The following GKAP1 variants were observed in gnomAD, a reference collection of about 807,000 sequenced individuals.
GKAP1 encodes the protein G kinase anchoring protein 1, also known as G kinase-anchoring protein 1.
GKAP1 carries 31 observed loss-of-function variants against 56.7 expected under a neutral mutation model. The ratio of observed to expected loss-of-function variants is 0.55; its 90% CI spans 0.41 to 0.74. GKAP1 has a LOEUF of 0.74. Ranked by LOEUF, GKAP1 falls within the 30% of genes least tolerant of loss-of-function variation. The probability of loss-of-function intolerance (pLI) is 0.00; values close to 1 mark genes in which losing one functional copy is unlikely to be tolerated. For synonymous variants in GKAP1, 151 were observed against 138.6 expected, an observed-to-expected ratio of 1.09 and a Z score of -0.63; for missense variants, 364 against 402.3, an observed-to-expected ratio of 0.90 and a Z score of 0.82.
intron 7 of GKAP1, among the ~76,000 whole-genome samples, chr9:83,776,242 AC>A (rs1943859933): frequency 6.6e-6 from 1 of 152,224 alleles, no homozygotes; most frequent in Non-Finnish European, 1.5e-5. Context: ...ACACATACAA[AC>A]AAGGAAAGGC....
chr9:83,782,453 G>T (rs1943990495), intron 6 of GKAP1, among the ~76,000 whole-genome samples: 2 of 151,452 alleles, frequency 1.3e-5, no homozygotes, highest in African/African-American at 4.9e-5. Context: ...CCACCTTTTG[G>T]GTTCAAGCAA....
rs1437076806 is a variant in GKAP1, at chr9:83,745,452, A to T, written c.905-2852T>A. On this transcript the variant is annotated intron_variant, in intron 10 of 12. Transcript: ENST00000376371. ...AAGTATTTTCATGTAATGATCCTAT[A>T]TAAAATTCTACTTGGATTACTTATG... is the stretch of plus-strand genomic sequence containing the variant. Among the ~76,000 whole-genome samples, 3 of 152,226 alleles carry T rather than the reference A, an allele frequency of 2.0e-5. No individual in the cohort carries two copies. The South Asian group carries it at 6.2e-4, about 31-fold the overall frequency.
chr9:83,779,426 C>CATATATATATATAT (rs141709042), intron 7 of GKAP1, among the ~76,000 whole-genome samples: 1 of 92,976 alleles, frequency 1.1e-5, no homozygotes, highest in East Asian at 3.6e-4. Flanking sequence ...GGTCAGAAGC[C>CATATATATATATAT]ATATATATAT....
chr9:83,785,935 C>CA (rs1944056574), intron 5 of GKAP1, among the ~76,000 whole-genome samples: 1 of 152,180 alleles, frequency 6.6e-6, no homozygotes, highest in African/African-American at 2.4e-5. Flanking sequence ...CCTTAAATGA[C>CA]AGTTTTTCAA....
At chr9:83,774,876 G>T (rs56299907) in intron 7 of GKAP1, among the ~76,000 whole-genome samples, 86,085 of 150,632 alleles carry the variant, frequency 0.57, 25,215 homozygotes, top group Admixed American at 0.7. Flanking sequence ...ACCCAGATAA[G>T]TTTTGTATTT....
chr9:83,752,317 G>A (rs1003494700), intron 9 of GKAP1, among the ~76,000 whole-genome samples: 10 of 152,202 alleles, frequency 6.6e-5, no homozygotes, highest in Non-Finnish European at 1.3e-4. Flanking sequence ...TTGGGAGGCT[G>A]AGGCAGGAGA....
chr9:83,804,011 G>A (rs565564883), intron 3 of GKAP1, among the ~76,000 whole-genome samples: 122 of 149,796 alleles, frequency 8.1e-4, no homozygotes, highest in African/African-American at 2.7e-3. Context: ...GAGACCCTCC[G>A]CCCAGCATCC....
chr9:83,811,515 C>A (rs1249140246), intron 2 of GKAP1, among the ~76,000 whole-genome samples: 1 of 152,100 alleles, frequency 6.6e-6, no homozygotes. Flanking sequence ...AGTATTATGA[C>A]AAATACTGTT....
At chr9:83,776,086 T>C (rs928945901) in intron 7 of GKAP1, among the ~76,000 whole-genome samples, 3 of 152,106 alleles carry the variant, frequency 2.0e-5, no homozygotes, top group African/African-American at 7.2e-5. Context: ...GCTGTCTAAA[T>C]GCCTGGATCC....
chr9:83,768,650 T>C (rs1338517515), intron 8 of GKAP1, among the ~76,000 whole-genome samples, 168 bp downstream of exon 8: 2 of 152,240 alleles, frequency 1.3e-5, no homozygotes, highest in East Asian at 1.9e-4. Flanking sequence ...AGTATGAGTA[T>C]ACTTCATACT....
intron 6 of GKAP1, among the ~76,000 whole-genome samples, chr9:83,782,122 G>A (rs1306423892): frequency 5.9e-5 from 9 of 151,684 alleles, no homozygotes; most frequent in Non-Finnish European, 1.3e-4. Flanking sequence ...GATTACAGGC[G>A]TGAGCCACTG....
At position 83,739,748 on chromosome 9, in the gene GKAP1, TAAAAAA is replaced by T; in HGVS notation, c.1054-10_1054-5del. ...TTCTTTTCCCTTTTCTGCCACCCTGTAAAAAAAAAAAAAAATAGGGAAAATTATTTA... is the reference window on the plus strand; with the variant it reads ...TTCTTTTCCCTTTTCTGCCACCCTGTAAAAAAAAATAGGGAAAATTATTTA... On this transcript the variant is annotated splice_polypyrimidine_tract_variant and splice_region_variant and intron_variant, in intron 12 of 12. Coordinates refer to ENST00000376371, the MANE Select transcript of GKAP1 (RefSeq NM_025211.4). 6.8e-7 allele frequency: 1 copy of T among 1,466,930 alleles called. No homozygotes were observed. The highest frequency in any genetic ancestry group is 9.3e-7 in the Non-Finnish European group (1 of 1,077,242). 90.9% of individuals were successfully genotyped at this position (1,466,930 alleles called of 1,614,324 possible). A position where few individuals can be genotyped will look rare whatever the true frequency, so the allele number is the denominator to read the frequency against.
At chr9:83,758,654 C>T (rs1469925199) in intron 8 of GKAP1, among the ~76,000 whole-genome samples, 1 of 151,380 alleles carries the variant, frequency 6.6e-6, no homozygotes, top group Admixed American at 6.6e-5. Context: ...GAGGCTGAGG[C>T]AGGAGCATTG....
At chr9:83,801,402 T>C (rs1272448439) in intron 3 of GKAP1, among the ~76,000 whole-genome samples, 1 of 152,178 alleles carries the variant, frequency 6.6e-6, no homozygotes, top group Admixed American at 6.5e-5. Flanking sequence ...TTGTGTTTTT[T>C]TTTTTTTTAA....
intron 10 of GKAP1, among the ~76,000 whole-genome samples, chr9:83,743,852 G>A (rs976448307): frequency 6.6e-6 from 1 of 152,070 alleles, no homozygotes; most frequent in African/African-American, 2.4e-5. Context: ...TGTTTCCTAA[G>A]CTTCAGAAAT....
chr9:83,791,628 G>A (rs1944162012), intron 4 of GKAP1, among the ~76,000 whole-genome samples: 1 of 152,146 alleles, frequency 6.6e-6, no homozygotes. Flanking sequence ...AGCCATTAAG[G>A]ATTCATTTAG....
intron 8 of GKAP1, among the ~76,000 whole-genome samples, chr9:83,767,416 G>A (rs1943682239): frequency 6.6e-6 from 1 of 151,636 alleles, no homozygotes. Flanking sequence ...CTAGAGTGCA[G>A]TGGTGTGATC....
intron 3 of GKAP1, among the ~76,000 whole-genome samples, chr9:83,804,417 C>G (rs1320932303): frequency 3.7e-5 from 5 of 135,644 alleles, no homozygotes; most frequent in Admixed American, 7.1e-5. Context: ...GCCCCCCGCC[C>G]GGCCAGCCAC....
chr9:83,759,447 G>A (rs1391345856), intron 8 of GKAP1, among the ~76,000 whole-genome samples: 1 of 151,452 alleles, frequency 6.6e-6, no homozygotes, highest in African/African-American at 2.4e-5. Flanking sequence ...TGCAGAGACA[G>A]GGTTATTAAA....
Sources: allele counts gnomAD v4.1 joint callset (sites outside exome capture counted in the v4.1 genomes callset), GRCh38; gene constraint gnomAD v4.1.1; transcripts MANE v1.5; gene names NCBI Gene and HGNC (gene_info 2026-07-23, HGNC 2026-07-21).